DUSP16: variants seen among roughly 807,000 people sequenced by gnomAD.
The protein encoded by DUSP16 is dual specificity protein phosphatase 16.
A neutral mutation model predicts 58.3 loss-of-function variants in DUSP16; 21 were observed. The ratio of observed to expected loss-of-function variants is 0.36; its 90% CI spans 0.26 to 0.52. The LOEUF (loss-of-function observed/expected upper bound fraction) is 0.52, where lower values mean the gene tolerates loss of function less well. Ranked by LOEUF, DUSP16 falls within the 20% of genes least tolerant of loss-of-function variation. The probability of loss-of-function intolerance (pLI) is 0.94; values close to 1 mark genes in which losing one functional copy is unlikely to be tolerated. For missense variants in DUSP16, 726 were observed against 819.0 expected, an observed-to-expected ratio of 0.89 and a Z score of 1.39; for synonymous variants, 320 against 323.8, an observed-to-expected ratio of 0.99 and a Z score of 0.12.
chr12:12,490,523 G>A (rs76655920), intron 4 of DUSP16, among the ~76,000 whole-genome samples: 1 of 152,264 alleles, frequency 6.6e-6, no homozygotes, highest in East Asian at 1.9e-4. Flanking sequence ...AGTTAAGGGG[G>A]AAATCATTAA....
At chr12:12,541,711 A>C (rs1168277960) in intron 1 of DUSP16, among the ~76,000 whole-genome samples, 1 of 152,226 alleles carries the variant, frequency 6.6e-6, no homozygotes, top group East Asian at 1.9e-4. Flanking sequence ...AGAGAGAAAT[A>C]ACTGTGAAAA....
intron 1 of DUSP16, among the ~76,000 whole-genome samples, chr12:12,546,162 TG>T (rs1025821884): frequency 1.2e-4 from 19 of 152,166 alleles, no homozygotes; most frequent in African/African-American, 4.3e-4. Flanking sequence ...TGCTATCATT[TG>T]GGGGGGAAAT....
rs759896794 is a variant in DUSP16, at chr12:12,477,772, C to A, written c.1059G>T (p.Arg353Ser). Residue 353 changes from arginine (R) to serine (S), a missense_variant, in exon 7 of 7, where the codon AGG becomes AGT. Physicochemically the swap from Arg to Ser is moderately radical, Grantham distance 110. Coordinates refer to ENST00000298573, the MANE Select transcript of DUSP16 (RefSeq NM_030640.3). The surrounding 1 kb of genome is among the most constrained non-coding windows in gnomAD (Gnocchi z 4.1). The stretch of plus-strand genomic sequence containing the variant: ...TGGGCACGCTGGCGGGATGCACGGG[C>A]CTTTGTCCTGCTGCCTCTGAGGTAG... ...DSATSEAAGQRPVHPASVPSV... is the reference protein window; with the variant it reads ...DSATSEAAGQSPVHPASVPSV... 2.5e-6 allele frequency: 4 copies of A among 1,613,862 alleles called. No homozygotes were observed. The Admixed American group carries it at 6.7e-5, about 27-fold the overall frequency.
At chr12:12,550,427 ATCTG>A (rs1447148055) in intron 1 of DUSP16, among the ~76,000 whole-genome samples, 1 of 152,228 alleles carries the variant, frequency 6.6e-6, no homozygotes, top group African/African-American at 2.4e-5. Context: ...TGAAGATGTT[ATCTG>A]TCTTTTTCAC....
Position 12,562,316 on chromosome 12 carries a change from G to C in DUSP16, c.-565C>G, listed in dbSNP as rs955231502. On this transcript the variant is annotated 5_prime_UTR_variant, in exon 1 of 7. Transcript: ENST00000298573. ...TATATTATCTTCTCCTTCTCTGAGG[G>C]GTGGGTTGGGGCGGGAGGCTTAGGA... 1 of 151,782 alleles carries C rather than the reference G, an allele frequency of 6.6e-6. No individual in the cohort carries two copies. The highest frequency in any genetic ancestry group is 1.5e-5 in the Non-Finnish European group (1 of 67,958). The allele number at this position is 151,782 out of a possible 1,614,324, so 9.4% of individuals were successfully genotyped here. A position where few individuals can be genotyped will look rare whatever the true frequency, so the allele number is the denominator to read the frequency against.
At chr12:12,480,690 CCT>C (rs1943547897) in intron 5 of DUSP16, among the ~76,000 whole-genome samples, 1 of 152,042 alleles carries the variant, frequency 6.6e-6, no homozygotes, top group African/African-American at 2.4e-5. Flanking sequence ...CAAATTTTTC[CCT>C]GATTACCTAA....
intron 1 of DUSP16, among the ~76,000 whole-genome samples, chr12:12,536,056 A>G (rs1037936868): frequency 6.6e-6 from 1 of 152,238 alleles, no homozygotes; most frequent in Admixed American, 6.5e-5. Context: ...AACTCTATTC[A>G]GAATGGACTG....
chr12:12,549,020 AT>A (rs1944689675), intron 1 of DUSP16, among the ~76,000 whole-genome samples: 1 of 152,256 alleles, frequency 6.6e-6, no homozygotes, highest in Non-Finnish European at 1.5e-5. Context: ...GTGTACTTTA[AT>A]TACAGACAAT....
At position 12,562,523 on chromosome 12, in the gene DUSP16, G is replaced by GC. The variant is rs1275927562; in HGVS notation, c.-773dup. The stretch of plus-strand genomic sequence containing the variant: ...AATAATCGTTTAAAAACTGATTAAA[G>GC]CCCCCCAAACACTGATACATAGAAA... On this transcript the variant is annotated 5_prime_UTR_variant, in exon 1 of 7. The change creates a premature stop within an existing upstream ORF in the 5' untranslated region. Coordinates refer to ENST00000298573, the MANE Select transcript of DUSP16 (RefSeq NM_030640.3). 1.7e-5 allele frequency: 2 copies of GC among 118,684 alleles called. No homozygotes were observed. The highest frequency in any genetic ancestry group is 2.2e-4 in the Admixed American group (2 of 9,148). The allele number at this position is 118,684 out of a possible 1,614,324, so 7.4% of individuals were successfully genotyped here.
intron 1 of DUSP16, among the ~76,000 whole-genome samples, chr12:12,539,714 C>A (rs1039149533): frequency 1.3e-5 from 2 of 148,446 alleles, no homozygotes; most frequent in African/African-American, 2.5e-5. Flanking sequence ...AAATAAAGGA[C>A]GTCACCACCC....
chr12:12,553,011 C>CT (rs1490981345), intron 1 of DUSP16, among the ~76,000 whole-genome samples: 3 of 152,110 alleles, frequency 2.0e-5, no homozygotes, highest in Non-Finnish European at 4.4e-5. Flanking sequence ...GAACTCCTGA[C>CT]TTCATGAGAT....
chr12:12,547,482 T>C lies in DUSP16; in HGVS notation c.-366+14635A>G, dbSNP rs78809578. ...CAAAAAAAAAAAAAAGAAAATACATTGTCCAATGAACTTTTCACCTTCTAC... is the reference window on the plus strand; with the variant it reads ...CAAAAAAAAAAAAAAGAAAATACATCGTCCAATGAACTTTTCACCTTCTAC... On this transcript the variant is annotated intron_variant, in intron 1 of 6. Transcript: ENST00000298573. Among the ~76,000 whole-genome samples the C allele has an allele frequency of 4.6e-3, 658 of 142,762 alleles. 39 individuals carry two copies. In the East Asian group the frequency reaches 0.12, roughly 26 times the overall value. 93.7% of individuals were successfully genotyped at this position (142,762 alleles called of 152,430 possible).
At chr12:12,499,301 C>A (rs898153065) in intron 4 of DUSP16, among the ~76,000 whole-genome samples, 1 of 152,148 alleles carries the variant, frequency 6.6e-6, no homozygotes, top group African/African-American at 2.4e-5. Flanking sequence ...CTTTCTGTAA[C>A]ATAGCCTGCT....
At chr12:12,486,960 G>T in intron 5 of DUSP16, 68 bp downstream of exon 5, 3 of 1,569,002 alleles carry the variant, frequency 1.9e-6, no homozygotes, top group African/African-American at 1.4e-5. Flanking sequence ...AAAATGGGGG[G>T]CTGAGGGGGT....
chr12:12,560,425 G>A (rs1482565282), intron 1 of DUSP16, among the ~76,000 whole-genome samples: 2 of 151,700 alleles, frequency 1.3e-5, no homozygotes, highest in Non-Finnish European at 2.9e-5. Context: ...CCAACTCTTG[G>A]GCTGGTGTTA....
In DUSP16 at chr12:12,476,800, A is replaced by C. The variant is rs1372523360; in HGVS notation, c.*33T>G. 2.6e-6 allele frequency: 4 copies of C among 1,521,728 alleles called. No individual in the cohort carries two copies. The highest frequency in any genetic ancestry group is 4.4e-5 in the Admixed American group (2 of 45,194). The allele number at this position is 1,521,728 out of a possible 1,614,324, so 94.3% of individuals were successfully genotyped here. ...AATTTTTTTGTGAACAAGAAAAAAA[A>C]ATTGTCTATAGAAGTCACAAGTGTC... On this transcript the variant is annotated 3_prime_UTR_variant, in exon 7 of 7. Coordinates refer to ENST00000298573, the MANE Select transcript of DUSP16 (RefSeq NM_030640.3).
At chr12:12,521,539 G>A (rs904499499) in intron 1 of DUSP16, 76 bp from the exon 2 acceptor site, 3 of 583,140 alleles carry the variant, frequency 5.1e-6, no homozygotes, top group Admixed American at 5.4e-5. Flanking sequence ...TAGAGAGAGT[G>A]TATGATTCAT....
At chr12:12,488,801 G>A (rs146956551) in intron 4 of DUSP16, among the ~76,000 whole-genome samples, 18 of 152,224 alleles carry the variant, frequency 1.2e-4, no homozygotes, top group Admixed American at 7.2e-4. Flanking sequence ...AACAGCAGCC[G>A]GGCGCAGTGA....
intron 1 of DUSP16, among the ~76,000 whole-genome samples, chr12:12,538,327 T>G (rs1944500734): frequency 6.6e-6 from 1 of 152,166 alleles, no homozygotes; most frequent in Admixed American, 6.5e-5. Context: ...AAATGGGAAG[T>G]CAGTCATGTC....
Sources: allele counts gnomAD v4.1 joint callset (sites outside exome capture counted in the v4.1 genomes callset), GRCh38; gene constraint gnomAD v4.1.1; non-coding constraint Gnocchi (gnomAD v3.1); transcripts MANE v1.5; gene names NCBI Gene and HGNC (gene_info 2026-07-23, HGNC 2026-07-21).